AFF4: variants seen among roughly 807,000 people sequenced by gnomAD.
AFF4 encodes ALF transcription elongation factor 4, also known as AF4/FMR2 family member 4.
A neutral mutation model predicts 124.8 loss-of-function variants in AFF4; 13 were observed. The ratio of observed to expected loss-of-function variants is 0.10; its 90% CI spans 0.07 to 0.17. AFF4 has a LOEUF of 0.17. Among genes scored for constraint, AFF4 ranks in the 10% least tolerant of loss-of-function variants. AFF4 has a pLI of 1.00. For synonymous variants in AFF4, 477 were observed against 496.1 expected (o/e 0.96, Z 0.51); for missense variants, 1,092 against 1,403.8 (o/e 0.78, Z 3.55).
intron 20 of AFF4, 42 bp from the exon 21 acceptor site, chr5:132,881,228 T>C (rs1258930598): frequency 1.3e-6 from 2 of 1,597,134 alleles, no homozygotes; most frequent in Non-Finnish European, 1.7e-6. Flanking sequence ...TATACTCTTT[T>C]GAATCACTGC....
chr5:132,913,973 A>G (rs897817145), intron 5 of AFF4, among the ~76,000 whole-genome samples: 1 of 152,146 alleles, frequency 6.6e-6, no homozygotes, highest in African/African-American at 2.4e-5. Flanking sequence ...CACCCCTGTA[A>G]TCCCAGCACT....
chr5:132,918,585 C>T (rs1760969994), intron 5 of AFF4, among the ~76,000 whole-genome samples: 1 of 150,544 alleles, frequency 6.6e-6, no homozygotes, highest in African/African-American at 2.5e-5. Context: ...TCGCTCGAAC[C>T]CAGGAGGCGG....
In AFF4 at chr5:132,879,442, T is replaced by C. The variant is rs1454828482; in HGVS notation, c.*1617A>G. ...ATTTTTCAAAGCAGCATTACCCAAC[T>C]GGTTAGACTAAGTCATGTACCAAAG... On this transcript the variant is annotated 3_prime_UTR_variant, in exon 21 of 21. Transcript: ENST00000265343. 2.4e-5 allele frequency: 5 copies of C among 204,518 alleles called. No individual in the cohort carries two copies. Among genetic ancestry groups the C allele is most frequent in the African/African-American group, 6.9e-5 (3 of 43,686 alleles). The allele number at this position is 204,518 out of a possible 1,614,324, so 12.7% of individuals were successfully genotyped here.
chr5:132,920,478 C>T (rs994396932), intron 5 of AFF4, among the ~76,000 whole-genome samples: 4 of 151,882 alleles, frequency 2.6e-5, no homozygotes, highest in Non-Finnish European at 5.9e-5. Context: ...ACCTCATCCT[C>T]CCAAGTAGCT....
chr5:132,900,718 C>T lies in AFF4; in HGVS notation c.1134-1077G>A, dbSNP rs552073354. Among the ~76,000 whole-genome samples the T allele has an allele frequency of 2.6e-5, 4 of 152,222 alleles. No homozygotes were observed. The South Asian group carries it at 8.3e-4, about 32-fold the overall frequency. On this transcript the variant is annotated intron_variant, in intron 7 of 20. Coordinates refer to ENST00000265343, the MANE Select transcript of AFF4 (RefSeq NM_014423.4). ...TAAAGATGTAAATTTTCTTTTAAGG[C>T]CATAAAATCAAAACCATTAAACTTA...
At chr5:132,948,114 G>A (rs533786500) in intron 1 of AFF4, among the ~76,000 whole-genome samples, 4 of 151,696 alleles carry the variant, frequency 2.6e-5, no homozygotes, top group Non-Finnish European at 4.4e-5. Context: ...GCAGTGGCAC[G>A]ATCTCGGCTC....
Position 132,897,078 on chromosome 5 carries a change from T to C in AFF4, c.1552A>G (p.Thr518Ala). 1 of 1,614,208 alleles carries C rather than the reference T, an allele frequency of 6.2e-7. No homozygotes were observed. The highest frequency in any genetic ancestry group is 8.5e-7 in the Non-Finnish European group (1 of 1,180,034). Residue 518 changes from threonine to alanine, a missense_variant, in exon 11 of 21, where the codon ACA becomes GCA. Coordinates refer to ENST00000265343, the MANE Select transcript of AFF4 (RefSeq NM_014423.4). ...GAACTCGTTTCTTTAGGTCCACTTGTATCAGTGTAGCTATTCCCAGTGCCC... is the reference window on the plus strand; with the variant it reads ...GAACTCGTTTCTTTAGGTCCACTTGCATCAGTGTAGCTATTCCCAGTGCCC... ...EQGTGNSYTD[T>A]SGPKETSSAT... is the part of the protein sequence containing the mutation.
At chr5:132,944,997 C>T (rs1235485101) in intron 1 of AFF4, 1 of 171,140 alleles carries the variant, frequency 5.8e-6, no homozygotes, top group African/African-American at 2.4e-5. Flanking sequence ...CAAGAAGGCT[C>T]CTGGACCTGG....
intron 2 of AFF4, among the ~76,000 whole-genome samples, chr5:132,936,812 T>C (rs1207296842): frequency 6.6e-6 from 1 of 152,228 alleles, no homozygotes; most frequent in African/African-American, 2.4e-5. Flanking sequence ...TTTCTTGATC[T>C]GAGTTGTATG....
In AFF4 at chr5:132,898,378, G is replaced by A; in HGVS notation, c.1241C>T (p.Ser414Leu). The change falls in exon 10 of 21, where the codon TCA (serine) becomes TTA (leucine). Residue 414 changes from serine to leucine, a missense_variant. Around this residue, in one of 11 missense-constraint regions of AFF4, gnomAD observed 148 missense variants for 196.3 expected, o/e 0.75. Transcript: ENST00000265343. The part of the protein sequence containing the change: ...RSTPGSNSEP[S>L]HHNSEGADNS... ...ATCTGCTCCTTCACTATTATGGTGT[G>A]AAGGTTCAGAGTTACTAAAAGAGAT... The A allele has an allele frequency of 2.5e-6, 4 of 1,614,006 alleles. No individual in the cohort carries two copies. Among genetic ancestry groups the A allele is most frequent in the Middle Eastern group, 1.7e-4 (1 of 6,058 alleles).
Position 132,962,570 on chromosome 5 carries a change from G to C in AFF4, c.-5+689C>G, listed in dbSNP as rs1163244824. 2.6e-5 allele frequency among the ~76,000 whole-genome samples: 4 copies of C among 152,210 alleles called. No homozygotes were observed. The East Asian group carries it at 5.8e-4, about 22-fold the overall frequency. On this transcript the variant is annotated intron_variant, in intron 1 of 20. Transcript: ENST00000265343. ...GTACTCCATGATCCATCCTCAAAGAGTGGAAGGAACAGCAAAGTAGAAGGA... is the reference window on the plus strand; with the variant it reads ...GTACTCCATGATCCATCCTCAAAGACTGGAAGGAACAGCAAAGTAGAAGGA...
At chr5:132,954,649 G>A (rs1761914947) in intron 1 of AFF4, among the ~76,000 whole-genome samples, 1 of 148,068 alleles carries the variant, frequency 6.8e-6, no homozygotes, top group African/African-American at 2.5e-5. Context: ...CCGGGTTCAC[G>A]CCATTCTCCT....
In AFF4 at chr5:132,876,668, C is replaced by T. The variant is rs879249654; in HGVS notation, c.*4391G>A. 2.5e-5 allele frequency: 5 copies of T among 198,290 alleles called. No homozygotes were observed. Among genetic ancestry groups the T allele is most frequent in the Middle Eastern group, 3.4e-3 (2 of 584 alleles). The allele number at this position is 198,290 out of a possible 1,614,324, so 12.3% of individuals were successfully genotyped here. A position where few individuals can be genotyped will look rare whatever the true frequency, so the allele number is the denominator to read the frequency against. On this transcript the variant is annotated 3_prime_UTR_variant, in exon 21 of 21. Transcript: ENST00000265343. ...AATACCTTATTCTGTGACCAAATTA[C>T]ATGAAAAGAAGATACATAGTTATTA...
At chr5:132,954,546 CTTTTTTTTTTT>C (rs1204231856) in intron 1 of AFF4, among the ~76,000 whole-genome samples, 3 of 122,146 alleles carry the variant, frequency 2.5e-5, no homozygotes, top group Non-Finnish European at 5.1e-5. Context: ...AAACAATGCT[CTTTTTTTTTTT>C]TTTTTTTTGA....
intron 5 of AFF4, among the ~76,000 whole-genome samples, chr5:132,909,303 C>T (rs1438216719): frequency 6.6e-6 from 1 of 151,828 alleles, no homozygotes; most frequent in Admixed American, 6.6e-5. Context: ...TGCCACCACG[C>T]CCAGCTAATT....
chr5:132,955,360 C>G (rs955794365), intron 1 of AFF4, among the ~76,000 whole-genome samples: 2 of 152,100 alleles, frequency 1.3e-5, no homozygotes, highest in Non-Finnish European at 2.9e-5. Context: ...TCACCAGGTA[C>G]CCCACCCACT....
At position 132,876,504 on chromosome 5, in the gene AFF4, G is replaced by A. The variant is rs553066125; in HGVS notation, c.*4555C>T. On this transcript the variant is annotated 3_prime_UTR_variant, in exon 21 of 21. Coordinates refer to ENST00000265343, the MANE Select transcript of AFF4 (RefSeq NM_014423.4). ...GCTTTTTTATTTTTAAGAATGGCAA[G>A]TTATGTTTAGCTGAGTAACAGTGGC... 9 of 217,048 alleles carry A rather than the reference G, an allele frequency of 4.1e-5. 1 individual carries two copies. The highest frequency in any genetic ancestry group is 1.4e-4 in the East Asian group (2 of 14,664). 13.4% of individuals were successfully genotyped at this position (217,048 alleles called of 1,614,324 possible).
Position 132,883,371 on chromosome 5 carries a change from G to T in AFF4, c.3333C>A (p.Asp1111Glu). Reference sequence around the variant, plus strand: ...GCTCTTTGGAAAGCTGTTCAGCTTGGTCCCAAATTTCGGTGGCATAGAGGA... The same window carrying T: ...GCTCTTTGGAAAGCTGTTCAGCTTGTTCCCAAATTTCGGTGGCATAGAGGA... Reference protein sequence around the residue: ...SNFLYATEIWDQAEQLSKEQK... With the variant: ...SNFLYATEIWEQAEQLSKEQK... Residue 1111 changes from aspartate (D) to glutamate (E), a missense_variant, in exon 20 of 21, where the codon GAC (aspartate) becomes GAA (glutamate). Around this residue, in one of 11 missense-constraint regions of AFF4, gnomAD observed 173 missense variants for 294.9 expected, o/e 0.59. Coordinates refer to ENST00000265343, the MANE Select transcript of AFF4 (RefSeq NM_014423.4). 5 of 1,613,946 alleles carry T rather than the reference G, an allele frequency of 3.1e-6. No individual in the cohort carries two copies. The highest frequency in any genetic ancestry group is 4.2e-6 in the Non-Finnish European group (5 of 1,180,006).
At chr5:132,940,859 T>C (rs1484742910) in intron 1 of AFF4, among the ~76,000 whole-genome samples, 2 of 152,000 alleles carry the variant, frequency 1.3e-5, no homozygotes, top group Non-Finnish European at 2.9e-5. Flanking sequence ...AAACCCCATC[T>C]CCACCAAAAA....
Sources: allele counts gnomAD v4.1 joint callset (sites outside exome capture counted in the v4.1 genomes callset), GRCh38; gene constraint gnomAD v4.1.1; regional missense constraint gnomAD v4.1.1; transcripts MANE v1.5; gene names NCBI Gene and HGNC (gene_info 2026-07-23, HGNC 2026-07-21).